The following C10orf90 variants were observed in gnomAD, a reference collection of about 807,000 sequenced individuals.
C10orf90 encodes (E2-independent) E3 ubiquitin-conjugating enzyme FATS.
A neutral mutation model predicts 62.5 loss-of-function variants in C10orf90; 56 were observed. The ratio of observed to expected loss-of-function variants is 0.90; its 90% CI spans 0.72 to 1.12. C10orf90 has a LOEUF of 1.12. Ranked by LOEUF, C10orf90 falls within the 50% of genes most tolerant of loss-of-function variation. The pLI, the probability that C10orf90 is intolerant of heterozygous loss-of-function variation, is 0.00. For synonymous variants in C10orf90, 386 were observed against 340.4 expected (o/e 1.13, Z -1.47); for missense variants, 970 against 880.4 (o/e 1.10, Z -1.29).
At chr10:126,508,647 G>T (rs1862911913) in intron 3 of C10orf90, among the ~76,000 whole-genome samples, 1 of 152,212 alleles carries the variant, frequency 6.6e-6, no homozygotes, top group Admixed American at 6.5e-5. Context: ...TGGGAAAGAT[G>T]CCGGCCTAGG....
At chr10:126,546,585 C>T (rs61134130) in intron 2 of C10orf90, among the ~76,000 whole-genome samples, 4 of 152,166 alleles carry the variant, frequency 2.6e-5, no homozygotes, top group Admixed American at 1.3e-4. Context: ...AGCCTCCCCC[C>T]ACCCAGGGAG....
chr10:126,485,315 C>T (rs1267308175), intron 4 of C10orf90, among the ~76,000 whole-genome samples: 1 of 152,080 alleles, frequency 6.6e-6, no homozygotes. Flanking sequence ...AAATTTGTGT[C>T]GTTTATAAGC....
chr10:126,641,233 G>A (rs770659608), intron 2 of C10orf90, among the ~76,000 whole-genome samples: 1 of 152,156 alleles, frequency 6.6e-6, no homozygotes, highest in Non-Finnish European at 1.5e-5. Flanking sequence ...GAATCATGAC[G>A]AAGGGTATAG....
rs545125325 is a variant in C10orf90 at position 126,500,670 on chromosome 10, G to C, written c.1534+3287C>G. ...CAAAACATACAGGGACTGAGGAGAT[G>C]AGCAAAGAGAGAACCAATTTCTTAA... On this transcript the variant is annotated intron_variant, in intron 4 of 9. Transcript: ENST00000488181. 3.3e-5 allele frequency among the ~76,000 whole-genome samples: 5 copies of C among 152,278 alleles called. No individual in the cohort carries two copies. The South Asian group carries it at 1.0e-3, about 32-fold the overall frequency.
At chr10:126,574,255 G>C (rs571251374) in intron 2 of C10orf90, among the ~76,000 whole-genome samples, 1 of 152,054 alleles carries the variant, frequency 6.6e-6, no homozygotes, top group African/African-American at 2.4e-5. Context: ...GAAATATATT[G>C]AGCACTCGTA....
At chr10:126,629,722 T>C (rs934934611) in intron 2 of C10orf90, among the ~76,000 whole-genome samples, 1 of 152,226 alleles carries the variant, frequency 6.6e-6, no homozygotes, top group African/African-American at 2.4e-5. Flanking sequence ...TGGCCATGAA[T>C]GTTTTGTATT....
chr10:126,535,345 G>A (rs563460487), intron 2 of C10orf90, among the ~76,000 whole-genome samples: 69 of 151,822 alleles, frequency 4.5e-4, no homozygotes, highest in Middle Eastern at 3.4e-3. Context: ...GTGAAATCCC[G>A]TGTCTACTAA....
chr10:126,470,046 G>T (rs921099155), intron 4 of C10orf90: 2 of 456,222 alleles, frequency 4.4e-6, no homozygotes, highest in Non-Finnish European at 8.8e-6. Context: ...GATGCATGCT[G>T]CAGAGAAGGA....
chr10:126,602,318 G>A (rs1212950856), intron 2 of C10orf90, among the ~76,000 whole-genome samples: 5 of 152,194 alleles, frequency 3.3e-5, no homozygotes, highest in African/African-American at 1.2e-4. Context: ...AGTAATGAAA[G>A]CTACTGTTTA....
At chr10:126,531,101 G>C (rs1354596279) in intron 2 of C10orf90, among the ~76,000 whole-genome samples, 1 of 151,668 alleles carries the variant, frequency 6.6e-6, no homozygotes, top group Non-Finnish European at 1.5e-5. Flanking sequence ...TTCAACCTGG[G>C]TGGCAGAAGT....
intron 8 of C10orf90, among the ~76,000 whole-genome samples, chr10:126,428,081 TAATC>T (rs1225517621): frequency 6.6e-6 from 1 of 151,538 alleles, no homozygotes; most frequent in African/African-American, 2.4e-5. Flanking sequence ...ACAAAGAAAA[TAATC>T]TATCTATTCG....
intron 2 of C10orf90, among the ~76,000 whole-genome samples, chr10:126,578,664 A>T (rs1299642679): frequency 1.3e-5 from 2 of 152,252 alleles, no homozygotes; most frequent in East Asian, 3.8e-4. Context: ...AAGAATGTAC[A>T]TCACAGCTGT....
At chr10:126,497,727 G>C (rs1360045090) in intron 4 of C10orf90, among the ~76,000 whole-genome samples, 1 of 152,202 alleles carries the variant, frequency 6.6e-6, no homozygotes, top group Non-Finnish European at 1.5e-5. Flanking sequence ...GTTAGGCTTT[G>C]TGAGCTATAA....
Position 126,496,762 on chromosome 10 carries a change from C to G in C10orf90, c.1534+7195G>C, listed in dbSNP as rs998662747. ...TTTGAGGAAGGAAACACATCAAGCACTTAAGGGATCGTGACATAAGCATGG... is the reference window on the plus strand; with the variant it reads ...TTTGAGGAAGGAAACACATCAAGCAGTTAAGGGATCGTGACATAAGCATGG... On this transcript the variant is annotated intron_variant, in intron 4 of 9. Coordinates refer to ENST00000488181, the MANE Select transcript of C10orf90 (RefSeq NM_001350921.2). The G allele has an allele frequency of 8.4e-6, 8 of 956,416 alleles. No homozygotes were observed. In the African/African-American group the frequency reaches 1.4e-4, roughly 17 times the overall value. 59.2% of individuals were successfully genotyped at this position (956,416 alleles called of 1,614,324 possible).
chr10:126,537,898 A>G (rs1864275648), intron 2 of C10orf90, among the ~76,000 whole-genome samples: 1 of 152,224 alleles, frequency 6.6e-6, no homozygotes. Context: ...TCAAGTTAAA[A>G]TGAGGTCGTT....
intron 4 of C10orf90, among the ~76,000 whole-genome samples, chr10:126,489,986 TATAA>T (rs1861634228): frequency 9.0e-6 from 1 of 111,114 alleles, no homozygotes; most frequent in South Asian, 2.5e-4. Flanking sequence ...ATAATATATA[TATAA>T]TATATATTAT....
chr10:126,482,351 G>C (rs1041251455), intron 4 of C10orf90, among the ~76,000 whole-genome samples: 1 of 152,160 alleles, frequency 6.6e-6, no homozygotes, highest in Non-Finnish European at 1.5e-5. Flanking sequence ...GCATAGCCTA[G>C]TGAGCAATTG....
chr10:126,616,095 GC>G (rs945282906), intron 2 of C10orf90, among the ~76,000 whole-genome samples: 1 of 152,172 alleles, frequency 6.6e-6, no homozygotes, highest in Non-Finnish European at 1.5e-5. Context: ...AGATACACAG[GC>G]CCCCCACCAC....
At chr10:126,602,821 T>C (rs1453214406) in intron 2 of C10orf90, among the ~76,000 whole-genome samples, 1 of 150,644 alleles carries the variant, frequency 6.6e-6, no homozygotes, top group East Asian at 2.0e-4. Flanking sequence ...TTACAATCAG[T>C]GGGTCTTGGA....
Sources: gnomAD v4.1 joint callset for allele counts (sites outside exome capture counted in the v4.1 genomes callset) on GRCh38, gnomAD v4.1.1 for gene constraint, MANE v1.5 for transcripts, NCBI Gene and HGNC (gene_info 2026-07-23, HGNC 2026-07-21) for gene names.